CNTLN: variants seen among roughly 807,000 people sequenced by gnomAD.
The protein encoded by CNTLN is centlein.
In CNTLN, 212 loss-of-function variants were observed where a neutral mutation model predicts 180.0. The ratio of observed to expected loss-of-function variants is 1.18; its 90% CI spans 1.05 to 1.32. The LOEUF (loss-of-function observed/expected upper bound fraction) is 1.32. CNTLN is among the 40% of genes most tolerant of loss of function. CNTLN has a pLI of 0.00. For missense variants in CNTLN, 2,095 were observed against 1,610.9 expected (o/e 1.30, Z -5.14); for synonymous variants, 722 against 563.1 (o/e 1.28, Z -3.99).
downstream of CNTLN, among the ~76,000 whole-genome samples, chr9:17,508,912 GT>G (rs2134447659): frequency 6.6e-6 from 1 of 152,274 alleles, no homozygotes; most frequent in African/African-American, 2.4e-5. Context: ...TGGAGAAGAG[GT>G]TTTTAGATGG....
intron 2 of CNTLN, among the ~76,000 whole-genome samples, chr9:17,154,513 C>G (rs559301477): frequency 1.2e-4 from 18 of 152,344 alleles, no homozygotes; most frequent in African/African-American, 3.1e-4. Context: ...CCTCTGGAAG[C>G]TTCGACCCAG....
chr9:17,523,700 C>CT, the CNTLN span, among the ~76,000 whole-genome samples: 264 of 152,198 alleles, frequency 1.7e-3, 1 homozygote, highest in African/African-American at 5.9e-3. Context: ...ATGTACAATC[C>CT]TTTTTTTGTC....
intron 18 of CNTLN, among the ~76,000 whole-genome samples, chr9:17,422,575 A>G (rs2780196): frequency 0.71 from 107,939 of 151,986 alleles, 42,180 homozygotes; most frequent in Non-Finnish European, 0.87. Context: ...TTATTTCAAT[A>G]TTTTTGTTAA....
At chr9:17,409,209 A>G in intron 15 of CNTLN, 84 bp from the exon 16 acceptor site, 1 of 1,277,190 alleles carries the variant, frequency 7.8e-7, no homozygotes, top group South Asian at 1.3e-5. Flanking sequence ...TCTATGCTAA[A>G]ATATTATTTG....
intron 6 of CNTLN, among the ~76,000 whole-genome samples, chr9:17,296,693 G>T (rs1331488910): frequency 6.6e-6 from 1 of 151,938 alleles, no homozygotes; most frequent in Non-Finnish European, 1.5e-5. Context: ...TTTCCTGAAG[G>T]CATTGTGCCA....
intron 8 of CNTLN, among the ~76,000 whole-genome samples, chr9:17,325,558 C>CAT (rs1260378842): frequency 8.0e-5 from 11 of 137,328 alleles, no homozygotes; most frequent in Non-Finnish European, 1.5e-4. Context: ...GATTTTATTA[C>CAT]ACACACACAC....
At chr9:17,336,306 A>G (rs1283017480) in intron 10 of CNTLN, among the ~76,000 whole-genome samples, 2 of 152,214 alleles carry the variant, frequency 1.3e-5, no homozygotes, top group Admixed American at 1.3e-4. Flanking sequence ...TAAGATATCC[A>G]ACTTTTGATG....
chr9:17,523,606 A>G, the CNTLN span, among the ~76,000 whole-genome samples: 1 of 152,214 alleles, frequency 6.6e-6, no homozygotes, highest in Non-Finnish European at 1.5e-5. Flanking sequence ...TTGATTTTTC[A>G]CAGTGGAAAA....
Position 17,235,681 on chromosome 9 carries a change from A to G in CNTLN, c.558A>G (p.Glu186=). 1.9e-6 allele frequency: 3 copies of G among 1,606,956 alleles called. No homozygotes were observed. Among genetic ancestry groups the G allele is most frequent in the South Asian group, 2.2e-5 (2 of 89,566 alleles). The change falls in exon 4 of 26, where the codon GAA becomes GAG. Residue 186 remains glutamate (E), a synonymous_variant. Coordinates refer to ENST00000380647, the MANE Select transcript of CNTLN (RefSeq NM_017738.4). The stretch of plus-strand genomic sequence containing the variant: ...AGAGAGAGTCAGTACTGAAACAGGA[A>G]ATAAATGACCTTGTAAAACGGAAAA... ...FEQRESVLKQ[E]INDLVKRKIA... is the part of the protein sequence containing the mutation.
Position 17,204,805 on chromosome 9 carries a change from G to T in CNTLN, c.450-21398G>T, listed in dbSNP as rs561547142. On this transcript the variant is annotated intron_variant, in intron 2 of 25. Transcript: ENST00000380647. ...GAGCCCACAGCCGCCCCTCCCCCCA[G>T]GTGCTCTGTTGCAGGGAGATGAGAG... 4.3e-4 allele frequency among the ~76,000 whole-genome samples: 66 copies of T among 152,300 alleles called. 1 individual carries two copies. The East Asian group carries it at 0.013, about 29-fold the overall frequency.
intron 6 of CNTLN, among the ~76,000 whole-genome samples, chr9:17,279,091 T>C (rs962023571): frequency 6.6e-6 from 1 of 152,118 alleles, no homozygotes; most frequent in East Asian, 1.9e-4. Flanking sequence ...ATTCATGTTA[T>C]TATTTTTTTT....
intron 13 of CNTLN, among the ~76,000 whole-genome samples, chr9:17,385,586 A>G (rs888237830): frequency 2.0e-5 from 3 of 152,198 alleles, no homozygotes; most frequent in African/African-American, 7.2e-5. Context: ...ACTGGGGACA[A>G]AATCCAAATA....
At chr9:17,349,591 T>C (rs947130023) in intron 12 of CNTLN, among the ~76,000 whole-genome samples, 16 of 152,326 alleles carry the variant, frequency 1.1e-4, no homozygotes, top group African/African-American at 3.8e-4. Flanking sequence ...ATAGAGTTTC[T>C]ACCATTGAGT....
intron 6 of CNTLN, among the ~76,000 whole-genome samples, chr9:17,283,570 C>T (rs200167865): frequency 1.3e-5 from 2 of 152,064 alleles, no homozygotes; most frequent in South Asian, 4.1e-4. Context: ...CCTCTCTTCC[C>T]ATTTGAATAC....
intron 6 of CNTLN, among the ~76,000 whole-genome samples, chr9:17,294,619 C>T (rs1435305931): frequency 2.0e-5 from 3 of 149,986 alleles, no homozygotes; most frequent in African/African-American, 7.4e-5. Flanking sequence ...GCTGGCTTCA[C>T]CCAGTGTATC....
chr9:17,211,358 T>A (rs201695225), intron 2 of CNTLN, among the ~76,000 whole-genome samples: 4 of 151,978 alleles, frequency 2.6e-5, no homozygotes, highest in African/African-American at 9.7e-5. Flanking sequence ...CAAAGATCAG[T>A]TGGTTGTAGA....
At chr9:17,332,149 G>A (rs1002164968) in intron 9 of CNTLN, among the ~76,000 whole-genome samples, 1 of 151,972 alleles carries the variant, frequency 6.6e-6, no homozygotes, top group African/African-American at 2.4e-5. Flanking sequence ...ACTGTCTGTT[G>A]TATTTATATT....
At chr9:17,198,434 TCTATAG>T (rs1490735383) in intron 2 of CNTLN, among the ~76,000 whole-genome samples, 1 of 150,322 alleles carries the variant, frequency 6.7e-6, no homozygotes, top group African/African-American at 2.4e-5. Flanking sequence ...TAATCAGTGT[TCTATAG>T]TTTTCATTGT....
In CNTLN at chr9:17,306,230, A is replaced by G. The variant is rs142766493; in HGVS notation, c.1147-2828A>G. On this transcript the variant is annotated intron_variant, in intron 7 of 25. Coordinates refer to ENST00000380647, the MANE Select transcript of CNTLN (RefSeq NM_017738.4). ...AATGGCACGATCTCATCTCATTGCAACCTCTGCCTCCTGGGTTCAAGTGAT... is the reference window on the plus strand; with the variant it reads ...AATGGCACGATCTCATCTCATTGCAGCCTCTGCCTCCTGGGTTCAAGTGAT... 6.5e-3 allele frequency among the ~76,000 whole-genome samples: 978 copies of G among 149,712 alleles called. 7 individuals carry two copies. The highest frequency in any genetic ancestry group is 0.023 in the African/African-American group (941 of 40,508).
Sources: gnomAD v4.1 joint callset for allele counts (sites outside exome capture counted in the v4.1 genomes callset) on GRCh38, gnomAD v4.1.1 for gene constraint, MANE v1.5 for transcripts, NCBI Gene and HGNC (gene_info 2026-07-23, HGNC 2026-07-21) for gene names.